GET1: variants seen among roughly 807,000 people sequenced by gnomAD.
GET1 encodes the protein congenital heart disease 5 protein.
GET1 carries 20 observed loss-of-function variants against 22.6 expected under a neutral mutation model. The observed-to-expected ratio is 0.89, with a 90% CI of 0.62 to 1.29. The LOEUF (loss-of-function observed/expected upper bound fraction) is 1.29, where lower values mean the gene tolerates loss of function less well. Ranked by LOEUF, GET1 falls within the 50% of genes most tolerant of loss-of-function variation. The pLI, the probability that GET1 is intolerant of heterozygous loss-of-function variation, is 0.00. For synonymous variants in GET1, 92 were observed against 83.8 expected, an observed-to-expected ratio of 1.10 and a Z score of -0.53; for missense variants, 209 against 219.9, an observed-to-expected ratio of 0.95 and a Z score of 0.31.
chr21:39,380,926 G>A (rs1369319285), intron 1 of GET1: 3 of 161,810 alleles, frequency 1.9e-5, no homozygotes, highest in African/African-American at 2.5e-5. Context: ...CTTGGGGTGG[G>A]TAGGGTGGGA....
chr21:39,428,518 G>A, exon 2 of GET1: 1 of 1,349,840 alleles, frequency 7.4e-7, no homozygotes, highest in Non-Finnish European at 9.7e-7. Context: ...TAAAAGAAAA[G>A]TAAAACCTAA....
chr21:39,398,296 A>G (rs2038749730), downstream of GET1, among the ~76,000 whole-genome samples: 1 of 152,136 alleles, frequency 6.6e-6, no homozygotes, highest in South Asian at 2.1e-4. Context: ...GCACGTGCCT[A>G]ACTCCCGTTT....
chr21:39,426,221 C>T (rs955712868), intron 1 of GET1, among the ~76,000 whole-genome samples: 1 of 152,098 alleles, frequency 6.6e-6, no homozygotes, highest in East Asian at 1.9e-4. Flanking sequence ...AAGGTAAGTA[C>T]ACCACTTGCA....
chr21:39,421,255 C>A (rs971160655), intron 1 of GET1, among the ~76,000 whole-genome samples: 2 of 152,116 alleles, frequency 1.3e-5, no homozygotes, highest in African/African-American at 2.4e-5. Context: ...GTGCACACCA[C>A]CATGCCTGGA....
At position 39,396,961 on chromosome 21, in the gene GET1, C is replaced by G; in HGVS notation, c.*22C>G. 1.2e-6 allele frequency: 2 copies of G among 1,611,350 alleles called. No individual in the cohort carries two copies. The highest frequency in any genetic ancestry group is 2.2e-5 in the South Asian group (2 of 90,430). On this transcript the variant is annotated 3_prime_UTR_variant, in exon 5 of 5. Coordinates refer to ENST00000649170, the MANE Select transcript of GET1 (RefSeq NM_004627.6). Reference sequence around the variant, plus strand: ...CTGAACAGGAGGATGGATACAGCCGCGAGGCTAAAAAACGGATTTCCTCTT... The same window carrying G: ...CTGAACAGGAGGATGGATACAGCCGGGAGGCTAAAAAACGGATTTCCTCTT...
rs576775616 is a variant in GET1, at chr21:39,418,262, G to A, written c.*23+7325G>A. 1.3e-3 allele frequency among the ~76,000 whole-genome samples: 192 copies of A among 152,150 alleles called. 1 individual carries two copies. Among genetic ancestry groups the A allele is most frequent in the Admixed American group, 2.0e-3 (31 of 15,266 alleles). On this transcript the variant is annotated intron_variant, in intron 1 of 1. Coordinates refer to the GET1 transcript ENST00000478273. ...GCCAAACCATATCAAGGATATTACA[G>A]TTTCGTTTGCCTTCCTTTCTTCACT... is the stretch of plus-strand genomic sequence containing the variant.
downstream of GET1, among the ~76,000 whole-genome samples, chr21:39,409,591 T>A (rs560350832): frequency 1.3e-5 from 2 of 152,024 alleles, no homozygotes; most frequent in East Asian, 1.9e-4. This position sits in a 1 kb window ranked among gnomAD's most constrained non-coding sequence, Gnocchi z 4.2. Context: ...AACGGTTTTA[T>A]GTTTTTTTTT....
At position 39,414,384 on chromosome 21, in the gene GET1, TGCA is replaced by T. The variant is rs1316883896; in HGVS notation, c.*23+3449_*23+3451del. 3.3e-5 allele frequency: 5 copies of T among 152,176 alleles called. No individual in the cohort carries two copies. In the East Asian group the frequency reaches 9.6e-4, roughly 29 times the overall value. 9.4% of individuals were successfully genotyped at this position (152,176 alleles called of 1,614,324 possible). A position where few individuals can be genotyped will look rare whatever the true frequency, so the allele number is the denominator to read the frequency against. On this transcript the variant is annotated intron_variant, in intron 1 of 1. Transcript: ENST00000478273. Reference sequence around the variant, plus strand: ...TCCCTCTTCTTACTTCGGCTCATACTGCAGAAGTGGGCCTAGAACTCGGTGTGG... The same window carrying T: ...TCCCTCTTCTTACTTCGGCTCATACTGAAGTGGGCCTAGAACTCGGTGTGG...
intron 3 of GET1, chr21:39,392,813 C>A (rs773363249): frequency 2.8e-5 from 6 of 211,680 alleles, no homozygotes; most frequent in Non-Finnish European, 5.7e-5. Context: ...AAAGCACACC[C>A]GTGTTATGGG....
chr21:39,417,381 T>C (rs948268679), intron 1 of GET1, among the ~76,000 whole-genome samples: 3 of 152,212 alleles, frequency 2.0e-5, no homozygotes, highest in African/African-American at 4.8e-5. Flanking sequence ...TTTGTACTTA[T>C]GGAAATATTT....
rs2038708856 is a variant in GET1, at chr21:39,397,161, TAC to T, written c.*223_*224del. On this transcript the variant is annotated 3_prime_UTR_variant, in exon 5 of 5. Transcript: ENST00000649170. Reference sequence around the variant, plus strand: ...GAAAGTCCAGTTTATGACACGTATGTACTAGTGAACACCGTCCTCGATCTGTA... The same window carrying T: ...GAAAGTCCAGTTTATGACACGTATGTTAGTGAACACCGTCCTCGATCTGTA... 2 of 578,264 alleles carry T rather than the reference TAC, an allele frequency of 3.5e-6. No homozygotes were observed. Among genetic ancestry groups the T allele is most frequent in the African/African-American group, 1.9e-5 (1 of 53,236 alleles). The allele number at this position is 578,264 out of a possible 1,614,324, so 35.8% of individuals were successfully genotyped here.
At chr21:39,408,383 TTGGCTTAGGAAAGAGAAG>T (rs2039471830), downstream of GET1, among the ~76,000 whole-genome samples, 1 of 152,178 alleles carries the variant, frequency 6.6e-6, no homozygotes, top group Non-Finnish European at 1.5e-5. Flanking sequence ...AGAGGAGGAC[TTGGCTTAGGAAAGAGAAG>T]ATCCAGTAGA....
At chr21:39,386,116 T>G (rs1044757527) in intron 1 of GET1, 4 of 152,274 alleles carry the variant, frequency 2.6e-5, no homozygotes, top group African/African-American at 9.6e-5. Context: ...GAGTGCCCTT[T>G]GAGATTCAAC....
chr21:39,421,224 C>G (rs1321074275), intron 1 of GET1, among the ~76,000 whole-genome samples: 1 of 151,878 alleles, frequency 6.6e-6, no homozygotes, highest in Non-Finnish European at 1.5e-5. Flanking sequence ...TGCCTCAGCC[C>G]CTGGGTAGCT....
At chr21:39,390,177 G>C (rs1044188706) in intron 1 of GET1, among the ~76,000 whole-genome samples, 1 of 151,744 alleles carries the variant, frequency 6.6e-6, no homozygotes, top group Non-Finnish European at 1.5e-5. Flanking sequence ...TACCGGTTCT[G>C]TCTGGCCAAA....
chr21:39,428,040 G>T, intron 1 of GET1: 4 of 611,032 alleles, frequency 6.5e-6, no homozygotes, highest in Non-Finnish European at 1.2e-5. Flanking sequence ...TTCTATAAAA[G>T]TTCACCTATA....
chr21:39,389,882 G>A (rs1194233375), intron 1 of GET1, among the ~76,000 whole-genome samples: 1 of 152,108 alleles, frequency 6.6e-6, no homozygotes, highest in Admixed American at 6.5e-5. Context: ...GAGGTTACAT[G>A]TTCCCTGTCA....
intron 1 of GET1, chr21:39,386,311 A>C (rs1382636516): frequency 6.6e-6 from 1 of 152,278 alleles, no homozygotes; most frequent in Non-Finnish European, 1.5e-5. Flanking sequence ...GCCATGGACC[A>C]GGCTTGGGAA....
intron 1 of GET1, chr21:39,420,585 G>T (rs1490868541): frequency 1.7e-5 from 12 of 696,016 alleles, no homozygotes; most frequent in Non-Finnish European, 2.7e-5. Context: ...CCTACAAAGG[G>T]TAGAGGAGCC....
Sources: allele counts gnomAD v4.1 joint callset (sites outside exome capture counted in the v4.1 genomes callset), GRCh38; gene constraint gnomAD v4.1.1; non-coding constraint Gnocchi (gnomAD v3.1); transcripts MANE v1.5; gene names NCBI Gene and HGNC (gene_info 2026-07-23, HGNC 2026-07-21).